The following FERMT3 variants were observed in gnomAD, a reference collection of about 807,000 sequenced individuals.
FERMT3 encodes fermitin family homolog 3.
Under a neutral mutation model 80.8 loss-of-function variants are expected in FERMT3, and 33 were observed. The observed-to-expected ratio is 0.41, with a 90% CI of 0.31 to 0.55. The LOEUF (loss-of-function observed/expected upper bound fraction) is 0.55. FERMT3 is among the 20% of genes least tolerant of loss of function. The pLI is 0.31. For missense variants in FERMT3, 754 were observed against 908.7 expected (o/e 0.83, Z 2.19); for synonymous variants, 375 against 372.2 (o/e 1.01, Z -0.09).
chr11:64,207,594 C>G (rs1565288222), intron 2 of FERMT3, 70 bp downstream of exon 2: 2 of 1,534,888 alleles, frequency 1.3e-6, no homozygotes, highest in Non-Finnish European at 1.8e-6. Context: ...CTGGGCACTT[C>G]CGGGCCATCC....
At chr11:64,222,519 C>G (rs374513737) in intron 13 of FERMT3, among the ~76,000 whole-genome samples, 3 of 140,300 alleles carry the variant, frequency 2.1e-5, no homozygotes, top group Non-Finnish European at 4.5e-5. Context: ...GAGCCGAGAT[C>G]GAGCCACTGT....
At chr11:64,217,491 G>T (rs1012793879) in intron 6 of FERMT3, among the ~76,000 whole-genome samples, 2 of 152,128 alleles carry the variant, frequency 1.3e-5, no homozygotes, top group Non-Finnish European at 2.9e-5. Context: ...GGAGGTTGCG[G>T]TGAGCCAAGA....
intron 13 of FERMT3, 118 bp downstream of exon 13, chr11:64,221,258 C>T: frequency 9.7e-7 from 1 of 1,035,970 alleles, no homozygotes; most frequent in Admixed American, 2.0e-5. Context: ...AGACTCCCTT[C>T]CCTTGTTCTT....
In FERMT3 at chr11:64,211,152, C is replaced by G. The variant is rs1049025880; in HGVS notation, c.495C>G (p.Ser165Arg). ...KEPEEELYDL[S>R]KVVLAGGVAP... ...CAGAGGAAGAGCTCTATGACTTGAG[C>G]AAGGTTGTCTTGGCTGGGGGTGAGT... Residue 165 changes from serine to arginine, a missense_variant, in exon 4 of 15, where the codon AGC becomes AGG. By Grantham distance (110) the Ser-to-Arg change is moderately radical (BLOSUM62 -1). Coordinates refer to ENST00000345728, the MANE Select transcript of FERMT3 (RefSeq NM_031471.6). This position sits in a 1 kb window ranked among gnomAD's most constrained non-coding sequence, Gnocchi z 4.7. 3.3e-6 allele frequency: 5 copies of G among 1,522,042 alleles called. No individual in the cohort carries two copies. Among genetic ancestry groups the G allele is most frequent in the Non-Finnish European group, 4.4e-6 (5 of 1,133,012 alleles). The allele number at this position is 1,522,042 out of a possible 1,614,324, so 94.3% of individuals were successfully genotyped here. A position where few individuals can be genotyped will look rare whatever the true frequency, so the allele number is the denominator to read the frequency against.
At chr11:64,217,076 C>T (rs1288383049) in intron 6 of FERMT3, among the ~76,000 whole-genome samples, 1 of 152,066 alleles carries the variant, frequency 6.6e-6, no homozygotes, top group African/African-American at 2.4e-5. Flanking sequence ...TCTTGGTGGC[C>T]CCCTGGAGGC....
chr11:64,220,776 T>C (rs994475728), intron 12 of FERMT3, 107 bp downstream of exon 12: 9 of 1,288,086 alleles, frequency 7.0e-6, no homozygotes, highest in Admixed American at 3.9e-5. Flanking sequence ...CTCACTGGGC[T>C]TCTCCCACTG....
Position 64,211,870 on chromosome 11 carries a change from C to T in FERMT3, c.786+123C>T, listed in dbSNP as rs1946451321. On this transcript the variant is annotated intron_variant, in intron 6 of 14. Transcript: ENST00000345728. The surrounding 1 kb of genome is among the most constrained non-coding windows in gnomAD (Gnocchi z 4.7). Reference sequence around the variant, plus strand: ...CCTGTCCGTCTGCCCGTTTGTCCATCCACACCTTTGTTTACTGACCCCACA... The same window carrying T: ...CCTGTCCGTCTGCCCGTTTGTCCATTCACACCTTTGTTTACTGACCCCACA... 2.1e-6 allele frequency: 2 copies of T among 935,696 alleles called. No homozygotes were observed. The highest frequency in any genetic ancestry group is 1.7e-6 in the Non-Finnish European group (1 of 590,900). 58.0% of individuals were successfully genotyped at this position (935,696 alleles called of 1,614,324 possible).
At position 64,219,195 on chromosome 11, in the gene FERMT3, C is replaced by T; in HGVS notation, c.787-56C>T. ...TGGCAGGGGCTCAGTGCAGGGCGTCCAGGGCAGCTGGCATCTGACCAGCCC... is the reference window on the plus strand; with the variant it reads ...TGGCAGGGGCTCAGTGCAGGGCGTCTAGGGCAGCTGGCATCTGACCAGCCC... On this transcript the variant is annotated intron_variant, in intron 6 of 14. Coordinates refer to ENST00000345728, the MANE Select transcript of FERMT3 (RefSeq NM_031471.6). The surrounding 1 kb of genome is among the most constrained non-coding windows in gnomAD (Gnocchi z 4.0). 1 of 1,511,564 alleles carries T rather than the reference C, an allele frequency of 6.6e-7. No individual in the cohort carries two copies. The highest frequency in any genetic ancestry group is 2.5e-5 in the East Asian group (1 of 40,728). 93.6% of individuals were successfully genotyped at this position (1,511,564 alleles called of 1,614,324 possible).
intron 2 of FERMT3, among the ~76,000 whole-genome samples, chr11:64,209,257 A>G (rs1282984559): frequency 6.6e-6 from 1 of 152,214 alleles, no homozygotes; most frequent in Non-Finnish European, 1.5e-5. Flanking sequence ...TTACAGTCCC[A>G]GTGTCAGCCA....
intron 13 of FERMT3, 152 bp downstream of exon 13, chr11:64,221,292 C>T (rs1011337355): frequency 1.4e-6 from 1 of 708,532 alleles, no homozygotes; most frequent in Non-Finnish European, 2.4e-6. Context: ...TACTGAGGGC[C>T]CCATGTGTGC....
chr11:64,222,719 C>G (rs1307264950), intron 13 of FERMT3, among the ~76,000 whole-genome samples: 1 of 152,120 alleles, frequency 6.6e-6, no homozygotes, highest in Non-Finnish European at 1.5e-5. Context: ...GAGTGGGCCC[C>G]TTTGATTAGT....
In FERMT3 at chr11:64,220,679, G is replaced by A. The variant is rs1591040541; in HGVS notation, c.1545+10G>A. The A allele has an allele frequency of 6.2e-7, 1 of 1,605,036 alleles. No individual in the cohort carries two copies. The highest frequency in any genetic ancestry group is 8.5e-7 in the Non-Finnish European group (1 of 1,175,498). ...GTTCAAGGCCAAGCAGGTACCAGAA[G>A]GCGTCAGGGTGGGAATGAGCATAGT... is the stretch of plus-strand genomic sequence containing the variant. On this transcript the variant is annotated intron_variant, in intron 12 of 14. Transcript: ENST00000345728.
Position 64,210,567 on chromosome 11 carries a change from C to T in FERMT3, c.161-44C>T. On this transcript the variant is annotated intron_variant, in intron 2 of 14. Coordinates refer to ENST00000345728, the MANE Select transcript of FERMT3 (RefSeq NM_031471.6). This position sits in a 1 kb window ranked among gnomAD's most constrained non-coding sequence, Gnocchi z 4.3. ...GGGGTTGTGCTGGGTGTTGGGGGCA[C>T]CAGGGAGGAAGGTTGGACCCAGATG... 6.3e-7 allele frequency: 1 copy of T among 1,583,916 alleles called. No individual in the cohort carries two copies. The highest frequency in any genetic ancestry group is 1.1e-5 in the South Asian group (1 of 90,464).
chr11:64,217,031 A>G (rs908255025), intron 6 of FERMT3, among the ~76,000 whole-genome samples: 8 of 152,126 alleles, frequency 5.3e-5, no homozygotes, highest in African/African-American at 1.7e-4. Flanking sequence ...TAAGAAACCA[A>G]TTGGAGACCC....
chr11:64,219,396 G>C lies in FERMT3; in HGVS notation c.894+38G>C. 6.4e-7 allele frequency: 1 copy of C among 1,570,200 alleles called. No homozygotes were observed. Among genetic ancestry groups the C allele is most frequent in the Non-Finnish European group, 8.6e-7 (1 of 1,158,300 alleles). On this transcript the variant is annotated intron_variant, in intron 7 of 14. Transcript: ENST00000345728. The surrounding 1 kb of genome is among the most constrained non-coding windows in gnomAD (Gnocchi z 4.0). ...CCTGGGGGCACCAGGGCAGGTGGGA[G>C]GTGAGCCAGTCCCAGGGCAGGAAGG...
chr11:64,213,846 G>C (rs1000064093), intron 6 of FERMT3, among the ~76,000 whole-genome samples: 1 of 152,190 alleles, frequency 6.6e-6, no homozygotes, highest in Admixed American at 6.5e-5. Flanking sequence ...ACAGGCGTGA[G>C]CCACGGCGTC....
In FERMT3 at chr11:64,219,714, C is replaced by CT. The variant is rs1946631974; in HGVS notation, c.1030-26_1030-25insT. On this transcript the variant is annotated intron_variant, in intron 8 of 14. Coordinates refer to ENST00000345728, the MANE Select transcript of FERMT3 (RefSeq NM_031471.6). This position sits in a 1 kb window ranked among gnomAD's most constrained non-coding sequence, Gnocchi z 4.0. ...AGGGAGAACTGTGAGGTACCGGGTG[C>CT]CCCTCTGACTCTGGTCCTCCCATAG... The CT allele has an allele frequency of 6.2e-7, 1 of 1,613,402 alleles. No homozygotes were observed. The highest frequency in any genetic ancestry group is 1.1e-5 in the South Asian group (1 of 91,064).
In FERMT3 at chr11:64,220,517, G is replaced by A. The variant is rs373999037; in HGVS notation, c.1393G>A (p.Glu465Lys). ...CATGGCCGACAGCAGCTACACCAGC[G>A]AGGTGCAGGCCATCCTGGCCTTCCT... is the stretch of plus-strand genomic sequence containing the variant. ...RTMADSSYTS[E>K]VQAILAFLSL... Residue 465 changes from glutamate (E) to lysine (K), a missense_variant, in exon 12 of 15, where the codon GAG becomes AAG. By Grantham distance (56) the Glu-to-Lys change is moderately conservative. Coordinates refer to ENST00000345728, the MANE Select transcript of FERMT3 (RefSeq NM_031471.6). The A allele has an allele frequency of 1.4e-3, 2,300 of 1,607,892 alleles. 35 individuals are homozygous for A. The South Asian group carries it at 0.023, about 16-fold the overall frequency.
chr11:64,223,016 G>T, intron 13 of FERMT3, 32 bp from the exon 14 acceptor site: 3 of 1,612,866 alleles, frequency 1.9e-6, no homozygotes, highest in African/African-American at 1.3e-5. Context: ...GCAGGGTGGA[G>T]CCCTGGCTCA....
Sources: gnomAD v4.1 joint callset for allele counts (sites outside exome capture counted in the v4.1 genomes callset) on GRCh38, gnomAD v4.1.1 for gene constraint, Gnocchi (gnomAD v3.1) non-coding constraint, MANE v1.5 for transcripts, NCBI Gene and HGNC (gene_info 2026-07-23, HGNC 2026-07-21) for gene names.